KTN1: variants seen among roughly 807,000 people sequenced by gnomAD.
The protein encoded by KTN1 is kinectin.
A neutral mutation model predicts 222.5 loss-of-function variants in KTN1; 130 were observed. The observed-to-expected ratio is 0.58, with a 90% CI of 0.51 to 0.68. KTN1 has a LOEUF of 0.68. Ranked by LOEUF, KTN1 falls within the 30% of genes least tolerant of loss-of-function variation. The probability of loss-of-function intolerance (pLI) is 0.00; values close to 1 mark genes in which losing one functional copy is unlikely to be tolerated. For missense variants in KTN1, 1,508 were observed against 1,500.4 expected (o/e 1.01, Z -0.08); for synonymous variants, 512 against 496.3 (o/e 1.03, Z -0.42).
chr14:55,661,809 AATTCTT>A (rs1387729079), intron 32 of KTN1, 197 bp downstream of exon 32: 20 of 375,898 alleles, frequency 5.3e-5, no homozygotes, highest in African/African-American at 3.1e-4. Flanking sequence ...TGAAAAGATG[AATTCTT>A]ATTCTTATAA....
chr14:55,598,164 G>C (rs113275871), intron 1 of KTN1, among the ~76,000 whole-genome samples: 9,182 of 152,128 alleles, frequency 0.06, 384 homozygotes, highest in South Asian at 0.088. Context: ...GGCAGGGCGC[G>C]GTGGCTCACG....
rs563636731 is a variant in KTN1 at position 55,591,627 on chromosome 14, C to T, written c.-31+11273C>T. ...TTTTGAGACGGAATTTTGCTCTTGT[C>T]GCCCAGGCTGGAGTGCAATGATGCG... On this transcript the variant is annotated intron_variant, in intron 1 of 43. Coordinates refer to ENST00000395314, the MANE Select transcript of KTN1 (RefSeq NM_001079521.2). Among the ~76,000 whole-genome samples, 44 of 115,002 alleles carry T rather than the reference C, an allele frequency of 3.8e-4. No individual in the cohort carries two copies. The East Asian group carries it at 8.2e-3, about 22-fold the overall frequency. 75.4% of individuals were successfully genotyped at this position (115,002 alleles called of 152,430 possible). A position where few individuals can be genotyped will look rare whatever the true frequency, so the allele number is the denominator to read the frequency against.
intron 24 of KTN1, chr14:55,651,350 T>C (rs1296329528): frequency 2.2e-6 from 1 of 455,944 alleles, no homozygotes; most frequent in Non-Finnish European, 4.4e-6. Flanking sequence ...CTGAAGGGCC[T>C]GTGAGAAGAG....
At position 55,612,513 on chromosome 14, in the gene KTN1, C is replaced by G; in HGVS notation, c.465C>G (p.Pro155=). 1 of 1,608,166 alleles carries G rather than the reference C, an allele frequency of 6.2e-7. No individual in the cohort carries two copies. Among genetic ancestry groups the G allele is most frequent in the Non-Finnish European group, 8.5e-7 (1 of 1,178,668 alleles). ...PVPVTKQPTP[P]SEAAASKKKP... is the part of the protein sequence containing the mutation. ...CAGTTACTAAACAGCCCACCCCTCC[C>G]TCTGAAGCAGCTGCCTCGAAGAAGA... The change falls in exon 2 of 44, where the codon CCC becomes CCG. Residue 155 remains proline, a synonymous_variant. Transcript: ENST00000395314.
At chr14:55,646,463 T>TC (rs796962795) in intron 18 of KTN1, among the ~76,000 whole-genome samples, 1,096 of 22,132 alleles carry the variant, frequency 0.05, 67 homozygotes, top group East Asian at 0.09. Flanking sequence ...CTTTTCCTTT[T>TC]CCTTTCCTTT....
At position 55,663,893 on chromosome 14, in the gene KTN1, T is replaced by C. The variant is rs1326510879; in HGVS notation, c.3091-62T>C. The C allele has an allele frequency of 2.3e-6, 3 of 1,319,532 alleles. No individual in the cohort carries two copies. The African/African-American group carries it at 4.4e-5, about 20-fold the overall frequency. 81.7% of individuals were successfully genotyped at this position (1,319,532 alleles called of 1,614,324 possible). A position where few individuals can be genotyped will look rare whatever the true frequency, so the allele number is the denominator to read the frequency against. On this transcript the variant is annotated intron_variant, in intron 32 of 43. Transcript: ENST00000395314. Reference sequence around the variant, plus strand: ...AATGCAGTGCAAAATACTGATGAAGTAAAAAAGCAAAAATCTTTCAATAAT... The same window carrying C: ...AATGCAGTGCAAAATACTGATGAAGCAAAAAAGCAAAAATCTTTCAATAAT...
chr14:55,597,851 C>CAA (rs141909721), intron 1 of KTN1, among the ~76,000 whole-genome samples: 2 of 140,052 alleles, frequency 1.4e-5, no homozygotes, highest in African/African-American at 5.3e-5. Flanking sequence ...GACCCTATCT[C>CAA]AAAAAAAAAA....
intron 1 of KTN1, among the ~76,000 whole-genome samples, chr14:55,593,321 TA>T (rs954272537): frequency 6.6e-6 from 1 of 151,880 alleles, no homozygotes; most frequent in Admixed American, 6.6e-5. Context: ...TGTTTTGGAT[TA>T]AAAAAACTGG....
At chr14:55,628,965 A>C (rs1195071512) in intron 6 of KTN1, among the ~76,000 whole-genome samples, 1 of 152,226 alleles carries the variant, frequency 6.6e-6, no homozygotes, top group Non-Finnish European at 1.5e-5. Flanking sequence ...TAATATCTCA[A>C]ATTTTGTCAT....
At chr14:55,627,657 T>G (rs567354565) in intron 5 of KTN1, among the ~76,000 whole-genome samples, 131 of 152,122 alleles carry the variant, frequency 8.6e-4, no homozygotes, top group Non-Finnish European at 1.7e-3. Context: ...ATGTTCCCCT[T>G]CCTGTGTCCA....
At chr14:55,608,685 G>A (rs1232011696) in intron 1 of KTN1, among the ~76,000 whole-genome samples, 1 of 150,352 alleles carries the variant, frequency 6.7e-6, no homozygotes, top group Non-Finnish European at 1.5e-5. Context: ...GTGCAGTGGC[G>A]CGATCTCAGC....
At chr14:55,640,858 G>A (rs1595035207) in intron 15 of KTN1, 75 bp from the exon 16 acceptor site, 2 of 1,198,356 alleles carry the variant, frequency 1.7e-6, no homozygotes, top group East Asian at 4.8e-5. Context: ...TTTTTAATAT[G>A]TAAAAATTAG....
intron 1 of KTN1, among the ~76,000 whole-genome samples, chr14:55,586,034 AATT>A (rs1468311014): frequency 3.3e-5 from 5 of 152,352 alleles, no homozygotes; most frequent in East Asian, 1.9e-4. Context: ...AATGTGGGAC[AATT>A]ATTATTCTTA....
In KTN1 at chr14:55,651,940, T is replaced by C. The variant is rs754365088; in HGVS notation, c.2603+13T>C. 2.0e-6 allele frequency: 3 copies of C among 1,506,514 alleles called. No individual in the cohort carries two copies. The highest frequency in any genetic ancestry group is 1.8e-5 in the Admixed American group (1 of 55,414). 93.3% of individuals were successfully genotyped at this position (1,506,514 alleles called of 1,614,324 possible). ...AGCTTCAGAACTTGTAAGTACCATT[T>C]ATCTCATTTCCTTTTACTATTTCTT... On this transcript the variant is annotated intron_variant, in intron 25 of 43. Transcript: ENST00000395314.
chr14:55,612,020 T>C lies in KTN1; in HGVS notation c.-29T>C, dbSNP rs1594831967. 1 of 1,298,224 alleles carries C rather than the reference T, an allele frequency of 7.7e-7. No homozygotes were observed. The highest frequency in any genetic ancestry group is 1.5e-5 in the African/African-American group (1 of 65,486). 80.4% of individuals were successfully genotyped at this position (1,298,224 alleles called of 1,614,324 possible). Reference sequence around the variant, plus strand: ...GTCCCCACCTTCTTCCCTATTTAGGTTTTATAGGATCACATTGACAAAAGT... The same window carrying C: ...GTCCCCACCTTCTTCCCTATTTAGGCTTTATAGGATCACATTGACAAAAGT... On this transcript the variant is annotated splice_region_variant and 5_prime_UTR_variant, in exon 2 of 44. Coordinates refer to ENST00000395314, the MANE Select transcript of KTN1 (RefSeq NM_001079521.2).
chr14:55,625,711 T>G (rs550807072), intron 5 of KTN1, among the ~76,000 whole-genome samples: 1 of 152,346 alleles, frequency 6.6e-6, no homozygotes, highest in South Asian at 2.1e-4. Flanking sequence ...ATGCTTTTCT[T>G]GTATTTGTAC....
intron 1 of KTN1, among the ~76,000 whole-genome samples, chr14:55,593,436 A>ACCCC (rs59170918): frequency 3.4e-5 from 3 of 89,534 alleles, no homozygotes; most frequent in Non-Finnish European, 6.6e-5. Context: ...AGAAATAGAC[A>ACCCC]CCCCCCCCCC....
chr14:55,625,681 C>T (rs1400980414), intron 5 of KTN1, among the ~76,000 whole-genome samples: 2 of 152,006 alleles, frequency 1.3e-5, no homozygotes, highest in Non-Finnish European at 1.5e-5. Context: ...AAAAAATTTT[C>T]GAAATTTTGG....
Position 55,669,690 on chromosome 14 carries a change from C to G in KTN1, c.3268-1039C>G, listed in dbSNP as rs1238251302. Among the ~76,000 whole-genome samples the G allele has an allele frequency of 2.0e-5, 3 of 151,830 alleles. 1 individual carries two copies. Among genetic ancestry groups the G allele is most frequent in the Non-Finnish European group, 4.4e-5 (3 of 67,868 alleles). ...TTATGTTGGGTACCAATAGTTGAAA[C>G]TGTTAAGTAGGATTCTGATAGTGTA... On this transcript the variant is annotated intron_variant, in intron 34 of 43. Transcript: ENST00000395314.
Sources: gnomAD v4.1 joint callset for allele counts (sites outside exome capture counted in the v4.1 genomes callset) on GRCh38, gnomAD v4.1.1 for gene constraint, MANE v1.5 for transcripts, NCBI Gene and HGNC (gene_info 2026-07-23, HGNC 2026-07-21) for gene names.